Variants in ARHGEF33 observed in about 807,000 individuals in gnomAD.
ARHGEF33 encodes DH and coiled-coil domain-containing protein ENSP00000381780.
Under a neutral mutation model 101.9 loss-of-function variants are expected in ARHGEF33, and 72 were observed. That is an observed-to-expected ratio of 0.71 (90% CI 0.58 to 0.86). The LOEUF (loss-of-function observed/expected upper bound fraction) is 0.86. Among genes scored for constraint, ARHGEF33 ranks in the 40% least tolerant of loss-of-function variants. The pLI, the probability that ARHGEF33 is intolerant of heterozygous loss-of-function variation, is 0.00. For missense variants in ARHGEF33, 1,169 were observed against 1,111.3 expected, an observed-to-expected ratio of 1.05 and a Z score of -0.74; for synonymous variants, 499 against 442.5, an observed-to-expected ratio of 1.13 and a Z score of -1.60.
chr2:38,903,933 T>C (rs1666329973), intron 2 of ARHGEF33, among the ~76,000 whole-genome samples: 1 of 152,196 alleles, frequency 6.6e-6, no homozygotes, highest in Non-Finnish European at 1.5e-5. Context: ...TAGGACAGTT[T>C]AGTGTCTTTG....
At chr2:38,938,441 A>T (rs1667211164) in intron 9 of ARHGEF33, among the ~76,000 whole-genome samples, 1 of 152,220 alleles carries the variant, frequency 6.6e-6, no homozygotes, top group Non-Finnish European at 1.5e-5. Context: ...TGGGAGTCCA[A>T]GGTAGGAGGA....
chr2:38,931,213 A>T lies in ARHGEF33; in HGVS notation c.467A>T (p.Asp156Val), dbSNP rs748315028. 1 of 1,551,424 alleles carries T rather than the reference A, an allele frequency of 6.4e-7. No individual in the cohort carries two copies. Among genetic ancestry groups the T allele is most frequent in the South Asian group, 1.2e-5 (1 of 83,996 alleles). Residue 156 changes from aspartate (D) to valine (V), a missense_variant, in exon 7 of 18, where the codon GAC (aspartate) becomes GTC (valine). Asp to Val is a radical substitution (Grantham distance 152). Transcript: ENST00000409978. ...CCTGAGCCTGTTCTTCCAAGCGAAG[A>T]CTTTACCAACCTTTTGCCTTCTCAG... The part of the protein sequence containing the change: ...NIPEPVLPSE[D>V]FTNLLPSQAY...
At chr2:38,896,457 T>A (rs958009419) in intron 2 of ARHGEF33, among the ~76,000 whole-genome samples, 1 of 152,176 alleles carries the variant, frequency 6.6e-6, no homozygotes, top group Non-Finnish European at 1.5e-5. Context: ...TTTAATTAAG[T>A]TCTATTTTGG....
At chr2:38,934,291 C>G (rs1667075842) in intron 7 of ARHGEF33, among the ~76,000 whole-genome samples, 1 of 152,174 alleles carries the variant, frequency 6.6e-6, no homozygotes, top group African/African-American at 2.4e-5. Context: ...CCTCATCACC[C>G]TCAGAATAAA....
chr2:38,953,818 A>G (rs1245476112), intron 12 of ARHGEF33, among the ~76,000 whole-genome samples: 2 of 152,332 alleles, frequency 1.3e-5, no homozygotes, highest in South Asian at 2.1e-4. Flanking sequence ...TTTCTACTTC[A>G]ACCCCCCACT....
chr2:38,938,744 A>G (rs574295571), intron 9 of ARHGEF33, among the ~76,000 whole-genome samples: 1 of 152,296 alleles, frequency 6.6e-6, no homozygotes, highest in African/African-American at 2.4e-5. Flanking sequence ...TTGCCAGTCA[A>G]TATCCACCCA....
chr2:38,958,254 T>G (rs1434862788), intron 15 of ARHGEF33, 56 bp downstream of exon 15: 1 of 1,542,632 alleles, frequency 6.5e-7, no homozygotes, highest in Non-Finnish European at 8.8e-7. Flanking sequence ...ACCCAGCCAG[T>G]CTGTGCGGGT....
intron 2 of ARHGEF33, among the ~76,000 whole-genome samples, chr2:38,916,334 C>T (rs921283715): frequency 6.6e-6 from 1 of 152,200 alleles, no homozygotes; most frequent in African/African-American, 2.4e-5. Flanking sequence ...GGCCACTTCT[C>T]TTCCCCTCCT....
chr2:38,929,757 C>G lies in ARHGEF33; in HGVS notation c.289C>G (p.Gln97Glu). 6.4e-7 allele frequency: 1 copy of G among 1,551,766 alleles called. No homozygotes were observed. Among genetic ancestry groups the G allele is most frequent in the Non-Finnish European group, 8.7e-7 (1 of 1,146,808 alleles). Residue 97 changes from glutamine (Q) to glutamate (E), a missense_variant, in exon 6 of 18, where the codon CAA becomes GAA. By Grantham distance (29) the Gln-to-Glu change is conservative (BLOSUM62 2). Coordinates refer to ENST00000409978, the MANE Select transcript of ARHGEF33 (RefSeq NM_001145451.5). ...MSMIQAITSK[Q>E]EEMQQKIEQL... is the part of the protein sequence containing the mutation. ...GATGATCCAAGCCATCACTTCCAAA[C>G]AAGAAGAAATGCAACAGAAAATCGA... is the stretch of plus-strand genomic sequence containing the variant.
chr2:38,963,127 C>G (rs1006196903), intron 16 of ARHGEF33, among the ~76,000 whole-genome samples: 8 of 151,540 alleles, frequency 5.3e-5, no homozygotes, highest in Non-Finnish European at 7.4e-5. Flanking sequence ...TGTGCATGGG[C>G]ATGTATGTGC....
intron 2 of ARHGEF33, 41 bp downstream of exon 2, chr2:38,895,890 C>T (rs1666111833): frequency 6.6e-6 from 1 of 152,004 alleles, no homozygotes; most frequent in Non-Finnish European, 1.5e-5. Flanking sequence ...AATAAGAACA[C>T]AGGCAAACTG....
Position 38,943,908 on chromosome 2 carries a change from A to G in ARHGEF33, c.798A>G (p.Arg266=). 6.4e-7 allele frequency: 1 copy of G among 1,551,346 alleles called. No individual in the cohort carries two copies. Among genetic ancestry groups the G allele is most frequent in the Non-Finnish European group, 8.7e-7 (1 of 1,146,880 alleles). ...TTTGGTTTGTTTCTAAAGCTAAAAGACAGACTGTGGCCCTGGAACTGCTTG... is the reference window on the plus strand; with the variant it reads ...TTTGGTTTGTTTCTAAAGCTAAAAGGCAGACTGTGGCCCTGGAACTGCTTG... ...VLCETSLAAK[R]QTVALELLES... is the part of the protein sequence containing the mutation. The change falls in exon 10 of 18, where the codon AGA becomes AGG. Residue 266 remains arginine, a synonymous_variant. Transcript: ENST00000409978.
intron 2 of ARHGEF33, among the ~76,000 whole-genome samples, chr2:38,918,873 T>A (rs1439795265): frequency 7.6e-6 from 1 of 131,052 alleles, no homozygotes; most frequent in East Asian, 2.2e-4. Flanking sequence ...AGACCCCATC[T>A]CTACAAAAAA....
At position 38,960,196 on chromosome 2, in the gene ARHGEF33, G is replaced by A. The variant is rs1410680123; in HGVS notation, c.1891G>A (p.Glu631Lys). ...EIFALPAPYD[E>K]EPFQAPALFE... Reference sequence around the variant, plus strand: ...CTTCGCGCTGCCCGCGCCCTACGACGAGGAGCCGTTCCAGGCTCCGGCCCT... The same window carrying A: ...CTTCGCGCTGCCCGCGCCCTACGACAAGGAGCCGTTCCAGGCTCCGGCCCT... Residue 631 changes from glutamate (E) to lysine (K), a missense_variant, in exon 16 of 18, where the codon GAG (glutamate) becomes AAG (lysine). Coordinates refer to ENST00000409978, the MANE Select transcript of ARHGEF33 (RefSeq NM_001145451.5). The A allele has an allele frequency of 5.2e-6, 8 of 1,544,630 alleles. No individual in the cohort carries two copies. The East Asian group carries it at 1.2e-4, about 24-fold the overall frequency.
At chr2:38,963,859 C>G (rs1205783155) in intron 16 of ARHGEF33, among the ~76,000 whole-genome samples, 1 of 152,072 alleles carries the variant, frequency 6.6e-6, no homozygotes, top group Non-Finnish European at 1.5e-5. Context: ...TTTTTTGGCA[C>G]CAGGGACCAG....
intron 10 of ARHGEF33, among the ~76,000 whole-genome samples, chr2:38,949,249 C>T (rs144616781): frequency 2.0e-5 from 3 of 152,158 alleles, no homozygotes; most frequent in South Asian, 2.1e-4. Flanking sequence ...TCATTTGACC[C>T]TGGGGAAATA....
Position 38,954,420 on chromosome 2 carries a change from A to C in ARHGEF33, c.1185A>C (p.Ile395=), listed in dbSNP as rs1468843749. The change falls in exon 13 of 18, where the codon ATA becomes ATC. Residue 395 remains isoleucine, a synonymous_variant. Transcript: ENST00000409978. The part of the protein sequence containing the change: ...KSDIYTLFFH[I]VQRIPEYLIH... Reference sequence around the variant, plus strand: ...ACATCTACACGTTGTTTTTTCACATAGTCCAGCGCATCCCTGAATATCTGA... The same window carrying C: ...ACATCTACACGTTGTTTTTTCACATCGTCCAGCGCATCCCTGAATATCTGA... The C allele has an allele frequency of 6.4e-7, 1 of 1,551,240 alleles. No individual in the cohort carries two copies. The highest frequency in any genetic ancestry group is 8.7e-7 in the Non-Finnish European group (1 of 1,146,550).
In ARHGEF33 at chr2:38,897,888, C is replaced by A. The variant is rs1021434675; in HGVS notation, c.-86+2039C>A. 2.6e-5 allele frequency among the ~76,000 whole-genome samples: 4 copies of A among 152,138 alleles called. No homozygotes were observed. The East Asian group carries it at 7.7e-4, about 29-fold the overall frequency. On this transcript the variant is annotated intron_variant, in intron 2 of 17. Coordinates refer to ENST00000409978, the MANE Select transcript of ARHGEF33 (RefSeq NM_001145451.5). Reference sequence around the variant, plus strand: ...TCCACAGAGGGAACAGCCCCAGAGGCTAGAATGGATGGGGAACCATGACTG... The same window carrying A: ...TCCACAGAGGGAACAGCCCCAGAGGATAGAATGGATGGGGAACCATGACTG...
At chr2:38,909,842 C>T (rs938527616) in intron 2 of ARHGEF33, among the ~76,000 whole-genome samples, 7 of 151,658 alleles carry the variant, frequency 4.6e-5, no homozygotes, top group Non-Finnish European at 1.0e-4. Flanking sequence ...AAGGGTCACA[C>T]TGTACTCTTT....
Sources: allele counts gnomAD v4.1 joint callset (sites outside exome capture counted in the v4.1 genomes callset), GRCh38; gene constraint gnomAD v4.1.1; transcripts MANE v1.5; gene names NCBI Gene and HGNC (gene_info 2026-07-23, HGNC 2026-07-21).